SETD4: variants seen among roughly 807,000 people sequenced by gnomAD.
SETD4 encodes the protein SET domain-containing protein 4.
In SETD4, 46 loss-of-function variants were observed where a neutral mutation model predicts 58.3. The ratio of observed to expected loss-of-function variants is 0.79; its 90% CI spans 0.62 to 1.01. The LOEUF (loss-of-function observed/expected upper bound fraction) is 1.01. Ranked by LOEUF, SETD4 falls within the 50% of genes least tolerant of loss-of-function variation. SETD4 has a pLI of 0.00. For synonymous variants in SETD4, 190 were observed against 202.6 expected (o/e 0.94, Z 0.53); for missense variants, 490 against 523.3 (o/e 0.94, Z 0.62).
intron 3 of SETD4, among the ~76,000 whole-genome samples, chr21:36,054,563 C>T (rs1451666157): frequency 2.0e-5 from 3 of 151,906 alleles, no homozygotes; most frequent in East Asian, 1.9e-4. Context: ...ATCAGTTTCC[C>T]GCAACTTGGA....
At chr21:36,046,968 A>C (rs1278550411) in intron 5 of SETD4, among the ~76,000 whole-genome samples, 1 of 152,244 alleles carries the variant, frequency 6.6e-6, no homozygotes, top group African/African-American at 2.4e-5. Flanking sequence ...GTTAAGAGAC[A>C]GTATACGCCA....
At chr21:36,038,398 A>C in intron 9 of SETD4, 125 bp from the exon 10 acceptor site, 4 of 1,211,398 alleles carry the variant, frequency 3.3e-6, no homozygotes, top group Non-Finnish European at 3.5e-6. Flanking sequence ...TCATTCCATA[A>C]GCAGATTCCC....
intron 5 of SETD4, 65 bp from the exon 6 acceptor site, chr21:36,046,076 G>A: frequency 1.3e-6 from 2 of 1,542,062 alleles, no homozygotes; most frequent in Non-Finnish European, 1.8e-6. Flanking sequence ...AAGCCAAGCA[G>A]TTTGTTTTGC....
intron 7 of SETD4, chr21:36,043,391 AGT>A (rs1252620207): frequency 1.2e-6 from 1 of 844,278 alleles, no homozygotes; most frequent in African/African-American, 1.8e-5. Flanking sequence ...TGATTAACAC[AGT>A]GTCTTACCCA....
chr21:36,045,680 A>T lies in SETD4; in HGVS notation c.628T>A (p.Tyr210Asn). 6.2e-7 allele frequency: 1 copy of T among 1,614,226 alleles called. No individual in the cohort carries two copies. Among genetic ancestry groups the T allele is most frequent in the Non-Finnish European group, 8.5e-7 (1 of 1,180,046 alleles). The change falls in exon 6 of 12, where the codon TAC becomes AAC. Residue 210 changes from tyrosine (Y) to asparagine (N), a missense_variant. Physicochemically the swap from Tyr to Asn is moderately radical, Grantham distance 143. Coordinates refer to ENST00000332131, the MANE Select transcript of SETD4 (RefSeq NM_017438.5). ...AWCTVNTRAV[Y>N]LRPRQRECLS... ...CATTCCCGCTGCCTGGGCCTCAGGT[A>T]CACGGCTCTGGTGTTGACGGTGCAC...
chr21:36,040,705 G>A, intron 8 of SETD4, 50 bp from the exon 9 acceptor site: 1 of 1,511,210 alleles, frequency 6.6e-7, no homozygotes, highest in Non-Finnish European at 9.2e-7. Context: ...AGTATTTCAT[G>A]ACCTCATAGC....
At position 36,035,045 on chromosome 21, in the gene SETD4, T is replaced by C. The variant is rs1279755796; in HGVS notation, c.*948A>G. ...ACTAGGCTCCAATGAGAAAGGAATTTGAGTTCTTGGGAAGAATGAACCCTG... is the reference window on the plus strand; with the variant it reads ...ACTAGGCTCCAATGAGAAAGGAATTCGAGTTCTTGGGAAGAATGAACCCTG... On this transcript the variant is annotated 3_prime_UTR_variant, in exon 12 of 12. Transcript: ENST00000332131. The C allele has an allele frequency of 6.6e-6, 1 of 152,184 alleles. No homozygotes were observed. Among genetic ancestry groups the C allele is most frequent in the Non-Finnish European group, 1.5e-5 (1 of 68,036 alleles). The allele number at this position is 152,184 out of a possible 1,614,324, so 9.4% of individuals were successfully genotyped here. A position where few individuals can be genotyped will look rare whatever the true frequency, so the allele number is the denominator to read the frequency against.
intron 6 of SETD4, among the ~76,000 whole-genome samples, chr21:36,044,590 ACACT>A (rs998114461): frequency 6.6e-6 from 1 of 152,210 alleles, no homozygotes; most frequent in Admixed American, 6.5e-5. Flanking sequence ...AACCACAGAA[ACACT>A]CACCTAATCC....
chr21:36,045,278 G>T (rs192960487), intron 6 of SETD4, among the ~76,000 whole-genome samples: 2 of 152,328 alleles, frequency 1.3e-5, no homozygotes, highest in Admixed American at 1.3e-4. Flanking sequence ...AAGGAGGAAC[G>T]AGGGAGAAGG....
In SETD4 at chr21:36,043,957, C is replaced by T. The variant is rs199934772; in HGVS notation, c.727-1G>A. ...TTTCTTCATTAAACGCTGCTTTTAC[C>T]TAGAAAGAAAAACTGTTAAGGTATT... On this transcript the variant is annotated splice_acceptor_variant, in intron 6 of 11. Transcript: ENST00000332131. LOFTEE classifies it high-confidence loss of function. The T allele has an allele frequency of 7.7e-5, 124 of 1,613,408 alleles. No individual in the cohort carries two copies. Among genetic ancestry groups the T allele is most frequent in the Non-Finnish European group, 9.9e-5 (117 of 1,179,782 alleles).
At position 36,038,215 on chromosome 21, in the gene SETD4, T is replaced by A; in HGVS notation, c.1123A>T (p.Ser375Cys). ...EVISDTNEKTSLDIAQKICYY... is the reference protein window; with the variant it reads ...EVISDTNEKTCLDIAQKICYY... Reference sequence around the variant, plus strand: ...CATATTTTCTGGGCTATGTCCAAACTTGTCTTCTCATTCGTATCTGAAATT... The same window carrying A: ...CATATTTTCTGGGCTATGTCCAAACATGTCTTCTCATTCGTATCTGAAATT... The change falls in exon 10 of 12, where the codon AGT (serine) becomes TGT (cysteine). Residue 375 changes from serine to cysteine, a missense_variant. Physicochemically the swap from Ser to Cys is moderately radical, Grantham distance 112. Transcript: ENST00000332131. 6.2e-7 allele frequency: 1 copy of A among 1,614,154 alleles called. No individual in the cohort carries two copies. The highest frequency in any genetic ancestry group is 8.5e-7 in the Non-Finnish European group (1 of 1,180,008).
chr21:36,036,309 G>T (rs2063778103), intron 10 of SETD4, 58 bp from the exon 11 acceptor site: 2 of 1,337,636 alleles, frequency 1.5e-6, no homozygotes, highest in Admixed American at 5.8e-5. Context: ...ATATTTCACA[G>T]AACGTACGTA....
chr21:36,056,691 T>C (rs2065002168), intron 3 of SETD4, among the ~76,000 whole-genome samples: 1 of 152,126 alleles, frequency 6.6e-6, no homozygotes, highest in Non-Finnish European at 1.5e-5. Flanking sequence ...CTAGAGTAGC[T>C]GGGACTACAG....
At chr21:36,040,362 G>GA (rs2063987539) in intron 9 of SETD4, among the ~76,000 whole-genome samples, 1 of 152,224 alleles carries the variant, frequency 6.6e-6, no homozygotes, top group South Asian at 2.1e-4. Flanking sequence ...TGTATGCTGA[G>GA]TCTAAAACCA....
At position 36,045,841 on chromosome 21, in the gene SETD4, T is replaced by C; in HGVS notation, c.467A>G (p.Lys156Arg). The C allele has an allele frequency of 6.2e-7, 1 of 1,614,164 alleles. No homozygotes were observed. Among genetic ancestry groups the C allele is most frequent in the South Asian group, 1.1e-5 (1 of 91,088 alleles). The change falls in exon 6 of 12, where the codon AAA becomes AGA. Residue 156 changes from lysine (K) to arginine (R), a missense_variant. Lys to Arg is a conservative substitution (Grantham distance 26). Coordinates refer to ENST00000332131, the MANE Select transcript of SETD4 (RefSeq NM_017438.5). The part of the protein sequence containing the change: ...EVVNLLPKSL[K>R]AKAEEQRAHV... The stretch of plus-strand genomic sequence containing the variant: ...GGCTCTCTGCTCTTCAGCCTTTGCT[T>C]TTAAAGATTTGGGAAGAAGGTTCAC...
intron 9 of SETD4, among the ~76,000 whole-genome samples, chr21:36,039,399 A>C (rs2063937078): frequency 6.6e-6 from 1 of 152,178 alleles, no homozygotes; most frequent in South Asian, 2.1e-4. Context: ...AGGCCTAAGG[A>C]AGACCTCTGG....
intron 7 of SETD4, 110 bp from the exon 8 acceptor site, chr21:36,041,998 A>G (rs2064087831): frequency 3.4e-6 from 2 of 581,452 alleles, no homozygotes; most frequent in Non-Finnish European, 6.0e-6. Flanking sequence ...AGACATGCAT[A>G]AACAGTTCCA....
Position 36,035,973 on chromosome 21 carries a change from CAAAAGG to C in SETD4, c.*33-19_*33-14del. ...TTAACTTTTGTTTCTGTAGGAAAAG[CAAAAGG>C]AAAAGGATTAAGTTCCTAATTGTTG... On this transcript the variant is annotated splice_polypyrimidine_tract_variant and intron_variant, in intron 11 of 11. Coordinates refer to ENST00000332131, the MANE Select transcript of SETD4 (RefSeq NM_017438.5). 1 of 1,154,080 alleles carries C rather than the reference CAAAAGG, an allele frequency of 8.7e-7. No homozygotes were observed. Among genetic ancestry groups the C allele is most frequent in the Non-Finnish European group, 1.2e-6 (1 of 806,724 alleles). 71.5% of individuals were successfully genotyped at this position (1,154,080 alleles called of 1,614,324 possible).
chr21:36,059,916 C>A, intron 1 of SETD4: 1 of 985,384 alleles, frequency 1.0e-6, no homozygotes, highest in South Asian at 4.7e-5. Flanking sequence ...CGGGAAGTGT[C>A]CCCAAGACTC....
Sources: gnomAD v4.1 joint callset for allele counts (sites outside exome capture counted in the v4.1 genomes callset) on GRCh38, gnomAD v4.1.1 for gene constraint, MANE v1.5 for transcripts, NCBI Gene and HGNC (gene_info 2026-07-23, HGNC 2026-07-21) for gene names.